PRKG1: variants seen among roughly 807,000 people sequenced by gnomAD.
PRKG1 encodes the protein cGMP-dependent protein kinase 1.
Under a neutral mutation model 88.1 loss-of-function variants are expected in PRKG1, and 35 were observed. The ratio of observed to expected loss-of-function variants is 0.40; its 90% CI spans 0.30 to 0.53. The LOEUF (loss-of-function observed/expected upper bound fraction) is 0.53. PRKG1 is among the 20% of genes least tolerant of loss of function. The probability of loss-of-function intolerance (pLI) is 0.59; values close to 1 mark genes in which losing one functional copy is unlikely to be tolerated. For missense variants in PRKG1, 540 were observed against 839.8 expected (o/e 0.64, Z 4.41); for synonymous variants, 303 against 292.5 (o/e 1.04, Z -0.37).
At chr10:51,994,880 T>G (rs2133135273) in intron 5 of PRKG1, among the ~76,000 whole-genome samples, 1 of 152,344 alleles carries the variant, frequency 6.6e-6, no homozygotes. Context: ...ATAAACTGAC[T>G]ACAACACTGC....
At chr10:51,238,596 A>C (rs975120495) in intron 2 of PRKG1, among the ~76,000 whole-genome samples, 1 of 150,528 alleles carries the variant, frequency 6.6e-6, no homozygotes, top group East Asian at 1.9e-4. Flanking sequence ...AAAAATAAAA[A>C]AATAAAAAAA....
intron 3 of PRKG1, among the ~76,000 whole-genome samples, chr10:51,772,862 G>A (rs1838340963): frequency 1.3e-5 from 2 of 151,990 alleles, no homozygotes; most frequent in Admixed American, 1.3e-4. Flanking sequence ...CCTTTTCTCA[G>A]TAATGTAAAG....
intron 7 of PRKG1, chr10:52,081,645 C>A: frequency 2.2e-6 from 1 of 456,574 alleles, no homozygotes; most frequent in South Asian, 1.5e-5. Context: ...CTTCATGGAT[C>A]TTACATTCTG....
At chr10:51,312,208 G>A (rs1350894201) in intron 2 of PRKG1, among the ~76,000 whole-genome samples, 2 of 152,218 alleles carry the variant, frequency 1.3e-5, no homozygotes, top group African/African-American at 4.8e-5. Flanking sequence ...GCAACAACCT[G>A]AGTGGACCCA....
At chr10:52,096,274 C>CTATATA (rs1326436017) in intron 7 of PRKG1, among the ~76,000 whole-genome samples, 3 of 152,150 alleles carry the variant, frequency 2.0e-5, no homozygotes, top group Non-Finnish European at 4.4e-5. Context: ...ATTTAAACAT[C>CTATATA]TAGGCACTTT....
intron 4 of PRKG1, among the ~76,000 whole-genome samples, chr10:51,839,656 C>T (rs1346032036): frequency 2.6e-5 from 4 of 152,106 alleles, no homozygotes; most frequent in African/African-American, 7.2e-5. Flanking sequence ...GCAGGGTTCT[C>T]GATAATCGTA....
At chr10:52,082,781 G>A (rs1017552332) in intron 7 of PRKG1, among the ~76,000 whole-genome samples, 8 of 151,990 alleles carry the variant, frequency 5.3e-5, no homozygotes, top group Non-Finnish European at 1.2e-4. Context: ...TACATTAGGG[G>A]TATTTAGCGT....
upstream of PRKG1, chr10:51,074,209 A>C: frequency 1.2e-5 from 2 of 172,984 alleles, no homozygotes; most frequent in East Asian, 1.6e-4. Context: ...GGCGCGAGGG[A>C]CTCTGAGAGC....
At chr10:51,459,306 G>A (rs1437474200) in intron 2 of PRKG1, among the ~76,000 whole-genome samples, 1 of 152,132 alleles carries the variant, frequency 6.6e-6, no homozygotes, top group Non-Finnish European at 1.5e-5. Context: ...ATTGAATACT[G>A]TATATTAGAC....
At chr10:51,424,520 G>C (rs1001717541) in intron 2 of PRKG1, among the ~76,000 whole-genome samples, 2 of 152,034 alleles carry the variant, frequency 1.3e-5, no homozygotes, top group African/African-American at 4.8e-5. Flanking sequence ...CTGTCTTCTT[G>C]CAAGACTGCT....
At chr10:52,073,063 CTCCT>C (rs1345946495) in intron 7 of PRKG1, among the ~76,000 whole-genome samples, 7 of 152,208 alleles carry the variant, frequency 4.6e-5, no homozygotes, top group East Asian at 1.9e-4. Context: ...CCATGCCTCA[CTCCT>C]AGCTTTTGGT....
At chr10:51,516,693 G>C (rs572843993) in intron 3 of PRKG1, among the ~76,000 whole-genome samples, 1 of 152,316 alleles carries the variant, frequency 6.6e-6, no homozygotes, top group East Asian at 1.9e-4. Flanking sequence ...ACACCTTCTA[G>C]CTGCAAATTT....
At chr10:51,970,710 T>C (rs1843688822) in intron 5 of PRKG1, among the ~76,000 whole-genome samples, 1 of 141,090 alleles carries the variant, frequency 7.1e-6, no homozygotes, top group Non-Finnish European at 1.5e-5. Flanking sequence ...ATATATCATC[T>C]GATATATATA....
intron 8 of PRKG1, among the ~76,000 whole-genome samples, chr10:52,157,129 A>G (rs1204067677): frequency 6.6e-6 from 1 of 150,906 alleles, no homozygotes; most frequent in Non-Finnish European, 1.5e-5. Flanking sequence ...TATTTTTAAA[A>G]TGTTTATACA....
rs974195143 is a variant in PRKG1, at chr10:51,122,152, A to C, written c.312-31012A>C. The stretch of plus-strand genomic sequence containing the variant: ...CTATTAAATGAGGATGGCATTTGGC[A>C]GTTCAGGCTTTAGCCTTCTTCGGAA... On this transcript the variant is annotated intron_variant, in intron 1 of 17. Transcript: ENST00000373980. Among the ~76,000 whole-genome samples, 63 of 152,228 alleles carry C rather than the reference A, an allele frequency of 4.1e-4. 3 individuals carry two copies. Among genetic ancestry groups the C allele is most frequent in the Non-Finnish European group, 1.5e-5 (1 of 68,046 alleles).
intron 1 of PRKG1, among the ~76,000 whole-genome samples, chr10:51,042,626 C>G (rs765261335): frequency 2.0e-5 from 3 of 152,074 alleles, no homozygotes; most frequent in African/African-American, 4.8e-5. Context: ...CTGTCACCCG[C>G]GGAACAGAGA....
At chr10:52,228,209 A>T (rs1228887844) in intron 9 of PRKG1, among the ~76,000 whole-genome samples, 2 of 152,074 alleles carry the variant, frequency 1.3e-5, no homozygotes, top group Non-Finnish European at 2.9e-5. Flanking sequence ...CACCATAATC[A>T]TTATAGTCTC....
At position 51,624,582 on chromosome 10, in the gene PRKG1, A is replaced by G. The variant is rs1839289072; in HGVS notation, c.592+156746A>G. On this transcript the variant is annotated intron_variant, in intron 3 of 17. Transcript: ENST00000373980. Reference sequence around the variant, plus strand: ...TCAGCAGAATATTCTCAGGGTCTCCAATTATTGCCCCTTCTGGAAGAGCTT... The same window carrying G: ...TCAGCAGAATATTCTCAGGGTCTCCGATTATTGCCCCTTCTGGAAGAGCTT... Among the ~76,000 whole-genome samples, 4 of 152,310 alleles carry G rather than the reference A, an allele frequency of 2.6e-5. No homozygotes were observed. In the South Asian group the frequency reaches 8.3e-4, roughly 32 times the overall value.
At chr10:51,415,632 C>A (rs999765664) in intron 2 of PRKG1, among the ~76,000 whole-genome samples, 1 of 152,206 alleles carries the variant, frequency 6.6e-6, no homozygotes, top group South Asian at 2.1e-4. Context: ...TATCTAATAG[C>A]CAGTTCTTGA....
Sources: gnomAD v4.1 joint callset for allele counts (sites outside exome capture counted in the v4.1 genomes callset) on GRCh38, gnomAD v4.1.1 for gene constraint, MANE v1.5 for transcripts, NCBI Gene and HGNC (gene_info 2026-07-23, HGNC 2026-07-21) for gene names.